Variants in NRG3 observed in about 807,000 individuals in gnomAD.
NRG3 encodes pro-neuregulin-3, membrane-bound isoform.
NRG3 carries 31 observed loss-of-function variants against 66.9 expected under a neutral mutation model. That is an observed-to-expected ratio of 0.46 (90% CI 0.35 to 0.63). The LOEUF (loss-of-function observed/expected upper bound fraction) is 0.63, where lower values mean the gene tolerates loss of function less well. Among genes scored for constraint, NRG3 ranks in the 20% least tolerant of loss-of-function variants. The pLI, the probability that NRG3 is intolerant of heterozygous loss-of-function variation, is 0.00. For missense variants in NRG3, 910 were observed against 878.9 expected, an observed-to-expected ratio of 1.04 and a Z score of -0.45; for synonymous variants, 393 against 359.4, an observed-to-expected ratio of 1.09 and a Z score of -1.06.
intron 2 of NRG3, among the ~76,000 whole-genome samples, chr10:82,498,807 G>T (rs1169248104): frequency 6.6e-6 from 1 of 152,088 alleles, no homozygotes; most frequent in Non-Finnish European, 1.5e-5. Flanking sequence ...CACTGTGGGG[G>T]TTCTTGAGAA....
chr10:82,456,686 G>A (rs1477338601), intron 2 of NRG3, among the ~76,000 whole-genome samples: 4 of 151,906 alleles, frequency 2.6e-5, no homozygotes, highest in Admixed American at 2.0e-4. Context: ...TAGAGTAAAA[G>A]AAAGTTCAAT....
chr10:82,898,715 C>CTTCT (rs1564613705), intron 4 of NRG3, among the ~76,000 whole-genome samples: 7 of 89,390 alleles, frequency 7.8e-5, no homozygotes, highest in South Asian at 4.2e-4. Flanking sequence ...GGAGTTTTAC[C>CTTCT]TTTTTTTTTT....
At chr10:82,860,611 C>G (rs529821830) in intron 3 of NRG3, among the ~76,000 whole-genome samples, 1 of 152,236 alleles carries the variant, frequency 6.6e-6, no homozygotes, top group African/African-American at 2.4e-5. Flanking sequence ...TAAAGCAGTT[C>G]CTGGTACGCA....
At chr10:82,589,461 C>T (rs1374364986) in intron 2 of NRG3, among the ~76,000 whole-genome samples, 2 of 152,132 alleles carry the variant, frequency 1.3e-5, no homozygotes, top group African/African-American at 4.8e-5. Flanking sequence ...AGTCCTGATT[C>T]TCATAATGAG....
In NRG3 at chr10:82,034,726, A is replaced by G. The variant is rs150947743; in HGVS notation, c.823+158563A>G. 4.8e-5 allele frequency among the ~76,000 whole-genome samples: 7 copies of G among 147,344 alleles called. No homozygotes were observed. The East Asian group carries it at 1.4e-3, about 30-fold the overall frequency. On this transcript the variant is annotated intron_variant, in intron 1 of 8. Transcript: ENST00000372141. ...CCTTGTCAGTCACCACCTTCTTTAAATCCTTCATGGTTGAGCTTAAAACCC... is the reference window on the plus strand; with the variant it reads ...CCTTGTCAGTCACCACCTTCTTTAAGTCCTTCATGGTTGAGCTTAAAACCC...
At chr10:82,591,145 G>A (rs1440278324) in intron 2 of NRG3, among the ~76,000 whole-genome samples, 1 of 152,086 alleles carries the variant, frequency 6.6e-6, no homozygotes, top group African/African-American at 2.4e-5. Flanking sequence ...CTGAGCATAC[G>A]GCCCGGGTGA....
At chr10:81,981,627 G>C (rs1589677412) in intron 1 of NRG3, among the ~76,000 whole-genome samples, 1 of 152,198 alleles carries the variant, frequency 6.6e-6, no homozygotes, top group East Asian at 1.9e-4. Flanking sequence ...AATCAAGAAA[G>C]AGACAGCCTT....
chr10:82,980,038 T>C (rs1852686489), intron 8 of NRG3, among the ~76,000 whole-genome samples: 1 of 151,856 alleles, frequency 6.6e-6, no homozygotes, highest in Non-Finnish European at 1.5e-5. Context: ...ACCCCATCTC[T>C]AACAAAAATA....
At chr10:82,450,452 G>A (rs1025709414) in intron 2 of NRG3, among the ~76,000 whole-genome samples, 20 of 152,140 alleles carry the variant, frequency 1.3e-4, no homozygotes, top group Non-Finnish European at 2.6e-4. Context: ...CTTCTCCTTG[G>A]TGGGAAAACT....
chr10:81,912,523 A>C (rs1224779255), intron 1 of NRG3, among the ~76,000 whole-genome samples: 1 of 152,222 alleles, frequency 6.6e-6, no homozygotes, highest in African/African-American at 2.4e-5. Flanking sequence ...TGCCCAGCCT[A>C]TACAGAATAT....
chr10:82,715,566 G>C (rs996016431), intron 2 of NRG3, among the ~76,000 whole-genome samples: 16 of 151,882 alleles, frequency 1.1e-4, no homozygotes, highest in African/African-American at 3.9e-4. Context: ...TAATAAATAG[G>C]AACCAAAATG....
chr10:82,245,864 C>G (rs1416621873), intron 1 of NRG3, among the ~76,000 whole-genome samples: 1 of 152,002 alleles, frequency 6.6e-6, no homozygotes, highest in East Asian at 1.9e-4. Flanking sequence ...TCGGCATTCC[C>G]TAATTTGCCC....
chr10:82,743,851 T>C (rs969165297), intron 3 of NRG3, among the ~76,000 whole-genome samples: 66 of 152,240 alleles, frequency 4.3e-4, no homozygotes, highest in Admixed American at 4.3e-3. Flanking sequence ...ATGTTCTGTA[T>C]TCTTGCCTTT....
At chr10:82,643,294 T>C (rs2050707695) in intron 2 of NRG3, among the ~76,000 whole-genome samples, 2 of 152,082 alleles carry the variant, frequency 1.3e-5, no homozygotes, top group Non-Finnish European at 2.9e-5. Context: ...TCTAATGAGA[T>C]CTGATGGTTT....
chr10:82,316,843 T>TA (rs1368660659), intron 1 of NRG3, among the ~76,000 whole-genome samples: 1 of 152,208 alleles, frequency 6.6e-6, no homozygotes, highest in Non-Finnish European at 1.5e-5. Flanking sequence ...GAGCTGGGTT[T>TA]ACCTATGGAG....
intron 1 of NRG3, among the ~76,000 whole-genome samples, chr10:81,934,406 T>C (rs1235916650): frequency 6.6e-6 from 1 of 152,226 alleles, no homozygotes; most frequent in African/African-American, 2.4e-5. Context: ...TTCCTTCTAT[T>C]CTGTCATTCT....
intron 2 of NRG3, among the ~76,000 whole-genome samples, chr10:82,485,311 C>A (rs992338259): frequency 1.3e-5 from 2 of 151,778 alleles, no homozygotes; most frequent in Non-Finnish European, 2.9e-5. Flanking sequence ...AAATGATCTC[C>A]TATTTATAAT....
chr10:82,762,233 C>T (rs976548516), intron 3 of NRG3, among the ~76,000 whole-genome samples: 2 of 151,884 alleles, frequency 1.3e-5, no homozygotes, highest in Non-Finnish European at 2.9e-5. Context: ...AGCAATCCAC[C>T]CACCTTAGAC....
intron 6 of NRG3, among the ~76,000 whole-genome samples, chr10:82,968,121 A>G (rs1851376686): frequency 6.6e-6 from 1 of 152,150 alleles, no homozygotes; most frequent in African/African-American, 2.4e-5. Flanking sequence ...TATTTTTCTT[A>G]TTGCTAGGAC....
Sources: allele counts gnomAD v4.1 joint callset (sites outside exome capture counted in the v4.1 genomes callset), GRCh38; gene constraint gnomAD v4.1.1; transcripts MANE v1.5; gene names NCBI Gene and HGNC (gene_info 2026-07-23, HGNC 2026-07-21).